THRAP3: variants seen among roughly 807,000 people sequenced by gnomAD.
The protein encoded by THRAP3 is thyroid hormone receptor-associated protein 3.
A neutral mutation model predicts 101.0 loss-of-function variants in THRAP3; 16 were observed. That is an observed-to-expected ratio of 0.16 (90% CI 0.11 to 0.24). THRAP3 has a LOEUF of 0.24. Among genes scored for constraint, THRAP3 ranks in the 10% least tolerant of loss-of-function variants. The pLI, the probability that THRAP3 is intolerant of heterozygous loss-of-function variation, is 1.00. For missense variants in THRAP3, 989 were observed against 1,202.7 expected, an observed-to-expected ratio of 0.82 and a Z score of 2.63; for synonymous variants, 407 against 422.6, an observed-to-expected ratio of 0.96 and a Z score of 0.45.
chr1:36,282,501 C>T, intron 2 of THRAP3, 32 bp from the exon 3 acceptor site: 4 of 1,516,480 alleles, frequency 2.6e-6, no homozygotes, highest in Non-Finnish European at 2.7e-6. Flanking sequence ...AAGGAACTCA[C>T]TCATTTGTTC....
chr1:36,282,064 ACTC>A (rs1645738212), intron 2 of THRAP3, among the ~76,000 whole-genome samples: 1 of 141,836 alleles, frequency 7.1e-6, no homozygotes, highest in South Asian at 2.4e-4. Context: ...CAAAAGCAAA[ACTC>A]CTATCTCAAG....
chr1:36,290,383 G>GT (rs1257829351), intron 5 of THRAP3, among the ~76,000 whole-genome samples: 3 of 152,028 alleles, frequency 2.0e-5, no homozygotes, highest in South Asian at 4.2e-4. Flanking sequence ...TAGAGATGGG[G>GT]TTTCACCGTG....
the THRAP3 span, among the ~76,000 whole-genome samples, chr1:36,211,141 A>AGT: frequency 6.6e-6 from 1 of 151,688 alleles, no homozygotes; most frequent in East Asian, 1.9e-4. Flanking sequence ...TGAGCCCAGG[A>AGT]TTGAGCCCAG....
intron 5 of THRAP3, among the ~76,000 whole-genome samples, chr1:36,290,221 G>A (rs1197932456): frequency 6.6e-6 from 1 of 151,308 alleles, no homozygotes; most frequent in Non-Finnish European, 1.5e-5. Flanking sequence ...TTTGAGACGG[G>A]GTCTCCCTCT....
intron 9 of THRAP3, among the ~76,000 whole-genome samples, chr1:36,300,223 G>A (rs531339517): frequency 6.6e-6 from 1 of 152,332 alleles, no homozygotes; most frequent in East Asian, 1.9e-4. Flanking sequence ...CAGATCCTAG[G>A]CTTAGTCACA....
chr1:36,222,079 AG>A (rs1644905389), upstream of THRAP3, among the ~76,000 whole-genome samples: 1 of 151,976 alleles, frequency 6.6e-6, no homozygotes, highest in African/African-American at 2.4e-5. Flanking sequence ...CCCCAAGTGC[AG>A]GGATTACAGG....
chr1:36,290,849 GT>G (rs903554842), intron 5 of THRAP3, among the ~76,000 whole-genome samples: 1 of 152,170 alleles, frequency 6.6e-6, no homozygotes, highest in Non-Finnish European at 1.5e-5. Flanking sequence ...AGGCTGACTG[GT>G]TTTTTACTTG....
In THRAP3 at chr1:36,303,805, CGT is replaced by C; in HGVS notation, c.2658_2659del (p.Glu887ArgfsTer5). ...TTTTCTTTCCCCTCAGCATGATGAC[CGT>C]GAAGGCGAAGGCAGTGACAAGTGGG... ...KSKKYYLHDD[R>X]EGEGSDKWVS... On this transcript the variant is annotated frameshift_variant, in exon 12 of 12. Transcript: ENST00000354618. LOFTEE classifies it high-confidence loss of function. 1.9e-6 allele frequency: 3 copies of C among 1,613,984 alleles called. No individual in the cohort carries two copies. The highest frequency in any genetic ancestry group is 2.5e-6 in the Non-Finnish European group (3 of 1,179,962).
intron 1 of THRAP3, among the ~76,000 whole-genome samples, chr1:36,231,290 C>A (rs531398094): frequency 6.6e-6 from 1 of 152,138 alleles, no homozygotes; most frequent in Non-Finnish European, 1.5e-5. Context: ...TGTTTCCAAA[C>A]TGAAGAAAAA....
rs1426965691 is a variant in THRAP3, at chr1:36,305,010, TTTTTTC to T, written c.*997_*1002del. 2.8e-5 allele frequency: 6 copies of T among 210,646 alleles called. No homozygotes were observed. Among genetic ancestry groups the T allele is most frequent in the Non-Finnish European group, 5.8e-5 (6 of 103,662 alleles). The allele number at this position is 210,646 out of a possible 1,614,324, so 13.0% of individuals were successfully genotyped here. On this transcript the variant is annotated 3_prime_UTR_variant, in exon 12 of 12. Transcript: ENST00000354618. ...CAGGGGTTTTTTTGGGTTTCTTTTT[TTTTTTC>T]TTTGTCTTTTTAACCTTAAGCTGTT...
chr1:36,210,416 C>T, the THRAP3 span, among the ~76,000 whole-genome samples: 1 of 146,458 alleles, frequency 6.8e-6, no homozygotes, highest in African/African-American at 2.5e-5. Context: ...AGGCTGGGCA[C>T]AGTGGCTCAC....
Position 36,286,851 on chromosome 1 carries a change from T to C in THRAP3, c.621T>C (p.Ser207=), listed in dbSNP as rs774638893. 1.2e-5 allele frequency: 19 copies of C among 1,614,042 alleles called. No homozygotes were observed. The highest frequency in any genetic ancestry group is 1.6e-5 in the Non-Finnish European group (19 of 1,180,012). ...ATGAGGCCAAGGAGCAGACATTCTC[T>C]GGAGGCACCTCTCAAGATACAAAAG... ...QGDEAKEQTF[S]GGTSQDTKAS... is the part of the protein sequence containing the mutation. The change falls in exon 4 of 12, where the codon TCT becomes TCC. Residue 207 remains serine, a synonymous_variant. Transcript: ENST00000354618. The surrounding 1 kb of genome is among the most constrained non-coding windows in gnomAD (Gnocchi z 5.5).
chr1:36,271,220 G>A (rs2124536774), intron 2 of THRAP3, among the ~76,000 whole-genome samples: 1 of 152,278 alleles, frequency 6.6e-6, no homozygotes, highest in East Asian at 1.9e-4. Flanking sequence ...ACAGAATTCA[G>A]TATTTAAAGT....
intron 2 of THRAP3, among the ~76,000 whole-genome samples, chr1:36,277,191 A>T (rs760271232): frequency 8.6e-5 from 13 of 151,522 alleles, no homozygotes; most frequent in Non-Finnish European, 1.9e-4. Flanking sequence ...CTGATCTCGA[A>T]CTCCTGACCT....
chr1:36,242,724 T>A (rs896571373), intron 1 of THRAP3, among the ~76,000 whole-genome samples: 1 of 152,228 alleles, frequency 6.6e-6, no homozygotes, highest in Admixed American at 6.5e-5. Flanking sequence ...GTGCTGGGAT[T>A]ACAGGCGTGA....
chr1:36,252,954 AT>A (rs1465706420), intron 1 of THRAP3, among the ~76,000 whole-genome samples: 22 of 139,876 alleles, frequency 1.6e-4, no homozygotes, highest in African/African-American at 5.5e-4. Flanking sequence ...ATATATATAT[AT>A]ATATATATAT....
intron 2 of THRAP3, among the ~76,000 whole-genome samples, chr1:36,273,132 T>C (rs1645612137): frequency 6.6e-6 from 1 of 152,216 alleles, no homozygotes; most frequent in African/African-American, 2.4e-5. Flanking sequence ...TTTTGTAGCC[T>C]CCTGGGTTTG....
At chr1:36,251,754 C>T (rs1645303204) in intron 1 of THRAP3, among the ~76,000 whole-genome samples, 1 of 152,190 alleles carries the variant, frequency 6.6e-6, no homozygotes, top group Admixed American at 6.5e-5. Context: ...TTGAGTACTC[C>T]TTTGTGCCAA....
In THRAP3 at chr1:36,286,902, A is replaced by G. The variant is rs150543349; in HGVS notation, c.672A>G (p.Pro224=). The G allele has an allele frequency of 5.1e-5, 82 of 1,614,080 alleles. No individual in the cohort carries two copies. The African/African-American group carries it at 1.1e-3, about 21-fold the overall frequency. The change falls in exon 4 of 12, where the codon CCA becomes CCG. Residue 224 remains proline (P), a synonymous_variant. Coordinates refer to ENST00000354618, the MANE Select transcript of THRAP3 (RefSeq NM_005119.4). This position sits in a 1 kb window ranked among gnomAD's most constrained non-coding sequence, Gnocchi z 5.5. The part of the protein sequence containing the change: ...TKASESSKPW[P]DATYGTGSAS... ...CATCTGAGAGCTCGAAGCCATGGCC[A>G]GATGCCACCTACGGCACTGGTTCTG...
Sources: gnomAD v4.1 joint callset for allele counts (sites outside exome capture counted in the v4.1 genomes callset) on GRCh38, gnomAD v4.1.1 for gene constraint, Gnocchi (gnomAD v3.1) non-coding constraint, MANE v1.5 for transcripts, NCBI Gene and HGNC (gene_info 2026-07-23, HGNC 2026-07-21) for gene names.